RAI14: variants seen among roughly 807,000 people sequenced by gnomAD.
RAI14 encodes ankycorbin.
Under a neutral mutation model 115.4 loss-of-function variants are expected in RAI14, and 45 were observed. That is an observed-to-expected ratio of 0.39 (90% confidence interval 0.31 to 0.50). The LOEUF (loss-of-function observed/expected upper bound fraction) is 0.50, where lower values mean the gene tolerates loss of function less well. Among genes scored for constraint, RAI14 ranks in the 20% least tolerant of loss-of-function variants. The pLI is 0.85. For missense variants in RAI14, 939 were observed against 1,131.2 expected (o/e 0.83, Z 2.44); for synonymous variants, 371 against 415.4 (o/e 0.89, Z 1.30).
At chr5:34,773,204 C>A (rs757897316) in intron 3 of RAI14, among the ~76,000 whole-genome samples, 1 of 152,040 alleles carries the variant, frequency 6.6e-6, no homozygotes, top group Non-Finnish European at 1.5e-5. Flanking sequence ...ATTGGATATC[C>A]ATATGTAGAA....
At chr5:34,772,242 G>A (rs336478) in intron 3 of RAI14, among the ~76,000 whole-genome samples, 38,964 of 152,114 alleles carry the variant, frequency 0.26, 6,221 homozygotes, top group East Asian at 0.48. Flanking sequence ...AAATGGTGCC[G>A]TTTCTCAGTA....
intron 2 of RAI14, chr5:34,688,086 A>G: frequency 6.8e-7 from 1 of 1,461,366 alleles, no homozygotes; most frequent in Non-Finnish European, 9.0e-7. Context: ...AATAAAACTC[A>G]TAGAGTGCAA....
intron 3 of RAI14, among the ~76,000 whole-genome samples, chr5:34,792,953 A>G (rs553882082): frequency 6.6e-6 from 1 of 152,332 alleles, no homozygotes; most frequent in Admixed American, 6.5e-5. Flanking sequence ...TCCCCAGAAT[A>G]GAGAAAAAAA....
chr5:34,786,763 C>A (rs764653445), intron 3 of RAI14, among the ~76,000 whole-genome samples: 2 of 152,158 alleles, frequency 1.3e-5, no homozygotes, highest in African/African-American at 2.4e-5. Context: ...CCAGCTCGGT[C>A]GTGGAGACCC....
At chr5:34,692,264 TAA>T (rs138346360) in intron 2 of RAI14, among the ~76,000 whole-genome samples, 3 of 148,564 alleles carry the variant, frequency 2.0e-5, no homozygotes, top group South Asian at 2.1e-4. Flanking sequence ...CTCCGTCTGT[TAA>T]AAAAAAAATA....
At chr5:34,681,448 T>A (rs1396338330) in intron 1 of RAI14, among the ~76,000 whole-genome samples, 3 of 152,166 alleles carry the variant, frequency 2.0e-5, no homozygotes, top group African/African-American at 7.2e-5. Context: ...AGTGTTCTGG[T>A]TTGGCTGAGA....
intron 2 of RAI14, among the ~76,000 whole-genome samples, chr5:34,733,768 T>C (rs887625569): frequency 6.6e-6 from 1 of 152,208 alleles, no homozygotes; most frequent in Non-Finnish European, 1.5e-5. Context: ...TCTGCTCAGC[T>C]GGATACAGAT....
At chr5:34,712,050 A>G (rs891107768) in intron 2 of RAI14, among the ~76,000 whole-genome samples, 2 of 152,138 alleles carry the variant, frequency 1.3e-5, no homozygotes, top group South Asian at 2.1e-4. Flanking sequence ...CCCCAATTTC[A>G]AATTTCCTTA....
At chr5:34,822,897 C>T (rs1195070231) in intron 14 of RAI14, 59 bp from the exon 15 acceptor site, 12 of 1,412,392 alleles carry the variant, frequency 8.5e-6, no homozygotes, top group Non-Finnish European at 1.2e-5. Flanking sequence ...CCGTGTTAGC[C>T]AGGATGGTCT....
chr5:34,719,640 A>G (rs1303080171), intron 2 of RAI14, among the ~76,000 whole-genome samples: 2 of 152,144 alleles, frequency 1.3e-5, no homozygotes, highest in African/African-American at 4.8e-5. Flanking sequence ...CCTTAACACA[A>G]AGACCTGAAA....
chr5:34,809,258 G>A (rs116326172), intron 7 of RAI14, among the ~76,000 whole-genome samples: 13,850 of 152,148 alleles, frequency 0.091, 920 homozygotes, highest in South Asian at 0.13. Context: ...TCACTCTAGT[G>A]TATTGACTTT....
chr5:34,760,928 A>C (rs1748571517), intron 3 of RAI14, among the ~76,000 whole-genome samples: 1 of 152,162 alleles, frequency 6.6e-6, no homozygotes, highest in Non-Finnish European at 1.5e-5. Flanking sequence ...GCAACCATGA[A>C]TCTGGGTTCT....
intron 2 of RAI14, among the ~76,000 whole-genome samples, chr5:34,722,219 A>G (rs1436807162): frequency 2.0e-5 from 3 of 150,038 alleles, no homozygotes; most frequent in Non-Finnish European, 4.4e-5. Context: ...GTATTTGGAC[A>G]TAAAGTTAAC....
chr5:34,777,351 G>A (rs1750993260), intron 3 of RAI14, among the ~76,000 whole-genome samples: 1 of 152,160 alleles, frequency 6.6e-6, no homozygotes, highest in African/African-American at 2.4e-5. Flanking sequence ...TAAAAAGAAT[G>A]AAACCCTGTC....
At chr5:34,764,972 G>A (rs1749164024) in intron 3 of RAI14, among the ~76,000 whole-genome samples, 1 of 152,158 alleles carries the variant, frequency 6.6e-6, no homozygotes, top group Admixed American at 6.5e-5. Context: ...CCCCCATACT[G>A]TTCTTGCGGT....
chr5:34,776,302 T>C (rs1750826618), intron 3 of RAI14, among the ~76,000 whole-genome samples: 1 of 152,128 alleles, frequency 6.6e-6, no homozygotes, highest in African/African-American at 2.4e-5. Context: ...GGTTAATGGG[T>C]ATAAAAATAT....
chr5:34,727,122 G>A (rs1211728371), intron 2 of RAI14, among the ~76,000 whole-genome samples: 1 of 152,160 alleles, frequency 6.6e-6, no homozygotes, highest in African/African-American at 2.4e-5. Context: ...ATAGTGATAT[G>A]GACAATGAAG....
At chr5:34,702,909 T>A (rs1740257680) in intron 2 of RAI14, among the ~76,000 whole-genome samples, 1 of 152,220 alleles carries the variant, frequency 6.6e-6, no homozygotes. Flanking sequence ...TTTCTCCATA[T>A]TGGTCAGGCT....
At chr5:34,830,644 C>T in intron 17 of RAI14, 44 bp from the exon 18 acceptor site, 1 of 1,612,612 alleles carries the variant, frequency 6.2e-7, no homozygotes, top group Non-Finnish European at 8.5e-7. Context: ...AGTGCCATGG[C>T]TTAATTTAGG....
Sources: allele counts gnomAD v4.1 joint callset (sites outside exome capture counted in the v4.1 genomes callset), GRCh38; gene constraint gnomAD v4.1.1; transcripts MANE v1.5; gene names NCBI Gene and HGNC (gene_info 2026-07-23, HGNC 2026-07-21).